The following RABEP1 variants were observed in gnomAD, a reference collection of about 807,000 sequenced individuals.
The protein encoded by RABEP1 is rabaptin, RAB GTPase binding effector protein 1.
In RABEP1, 51 loss-of-function variants were observed where a neutral mutation model predicts 123.4. The observed-to-expected ratio is 0.41, with a 90% CI of 0.33 to 0.52. The LOEUF (loss-of-function observed/expected upper bound fraction) is 0.52. RABEP1 is among the 20% of genes least tolerant of loss of function. The pLI, the probability that RABEP1 is intolerant of heterozygous loss-of-function variation, is 0.16. For synonymous variants in RABEP1, 347 were observed against 355.2 expected (o/e 0.98, Z 0.26); for missense variants, 888 against 996.3 (o/e 0.89, Z 1.46).
At chr17:5,301,499 C>G (rs75526592) in intron 1 of RABEP1, among the ~76,000 whole-genome samples, 3,462 of 152,216 alleles carry the variant, frequency 0.023, 132 homozygotes, top group African/African-American at 0.078. Context: ...AGTAACCTGT[C>G]CACAAACTGT....
intron 2 of RABEP1, among the ~76,000 whole-genome samples, chr17:5,312,349 C>T (rs950991781): frequency 5.3e-5 from 8 of 152,214 alleles, no homozygotes; most frequent in Admixed American, 2.6e-4. Context: ...CAGGGTTTCA[C>T]CCTGTTGGCC....
chr17:5,361,489 A>G lies in RABEP1; in HGVS notation c.1377A>G (p.Ser459=). Residue 459 remains serine (S), a synonymous_variant, in exon 9 of 18, where the codon TCA becomes TCG. Transcript: ENST00000537505. The stretch of plus-strand genomic sequence containing the variant: ...ACTTTGATACTGCATCCCTTGGGTC[A>G]CTCCAGATGCCAAGTGGGTTTATGT... ...SENFDTASLG[S]LQMPSGFMLT... 6.2e-7 allele frequency: 1 copy of G among 1,614,172 alleles called. No individual in the cohort carries two copies. The highest frequency in any genetic ancestry group is 8.5e-7 in the Non-Finnish European group (1 of 1,180,034).
At chr17:5,376,923 A>G (rs545358624) in intron 13 of RABEP1, among the ~76,000 whole-genome samples, 193 bp from the exon 14 acceptor site, 3 of 152,232 alleles carry the variant, frequency 2.0e-5, no homozygotes, top group African/African-American at 7.2e-5. Context: ...TTGGCCAGAA[A>G]TGTCTTTTCT....
At position 5,383,405 on chromosome 17, in the gene RABEP1, T is replaced by C; in HGVS notation, c.*182T>C. Reference sequence around the variant, plus strand: ...CAGGAAACAGCAAACAGTGGGGTGATCTGCAGCCCAGAGACCTTCAAATGC... The same window carrying C: ...CAGGAAACAGCAAACAGTGGGGTGACCTGCAGCCCAGAGACCTTCAAATGC... On this transcript the variant is annotated 3_prime_UTR_variant, in exon 18 of 18. Transcript: ENST00000537505. 1.7e-6 allele frequency: 1 copy of C among 581,986 alleles called. No individual in the cohort carries two copies. The highest frequency in any genetic ancestry group is 2.9e-5 in the East Asian group (1 of 34,808). The allele number at this position is 581,986 out of a possible 1,614,324, so 36.1% of individuals were successfully genotyped here.
rs1058398 is a variant in RABEP1, at chr17:5,385,440, A to G, written c.*2217A>G. 0.44 allele frequency: 101,916 copies of G among 229,844 alleles called. 23,392 individuals carry two copies. Among genetic ancestry groups the G allele is most frequent in the East Asian group, 0.67 (10,706 of 16,076 alleles). 14.2% of individuals were successfully genotyped at this position (229,844 alleles called of 1,614,324 possible). On this transcript the variant is annotated 3_prime_UTR_variant, in exon 18 of 18. Transcript: ENST00000537505. Reference sequence around the variant, plus strand: ...TACCTTATCATGTGGCTTTTAATTGACAGTCACTCAGCCATTTCTAAGCAG... The same window carrying G: ...TACCTTATCATGTGGCTTTTAATTGGCAGTCACTCAGCCATTTCTAAGCAG...
chr17:5,386,082 AGAT>A lies in RABEP1; in HGVS notation c.*2862_*2864del. ...TTATTATAAAACAACATATTTAAAA[AGAT>A]GAACCACACCAAAGGTCATCAAAAC... On this transcript the variant is annotated 3_prime_UTR_variant, in exon 18 of 18. Coordinates refer to ENST00000537505, the MANE Select transcript of RABEP1 (RefSeq NM_004703.6). 1.5e-6 allele frequency: 1 copy of A among 671,510 alleles called. No individual in the cohort carries two copies. The highest frequency in any genetic ancestry group is 2.5e-6 in the Non-Finnish European group (1 of 392,378). 41.6% of individuals were successfully genotyped at this position (671,510 alleles called of 1,614,324 possible).
At chr17:5,288,081 A>G (rs1489291514) in intron 1 of RABEP1, among the ~76,000 whole-genome samples, 1 of 152,112 alleles carries the variant, frequency 6.6e-6, no homozygotes, top group Non-Finnish European at 1.5e-5. Context: ...TGAGTAGTCA[A>G]GGATTACTCA....
chr17:5,342,226 A>AT (rs1491275846), intron 5 of RABEP1, among the ~76,000 whole-genome samples: 1 of 151,820 alleles, frequency 6.6e-6, no homozygotes, highest in Non-Finnish European at 1.5e-5. Context: ...GTAAAAAAAA[A>AT]GAAAAAAAAG....
chr17:5,340,449 C>A (rs1226095480), intron 5 of RABEP1, among the ~76,000 whole-genome samples: 1 of 151,822 alleles, frequency 6.6e-6, no homozygotes, highest in Non-Finnish European at 1.5e-5. Flanking sequence ...TAGGATAGTA[C>A]CTGGGACAAG....
At position 5,383,300 on chromosome 17, in the gene RABEP1, T is replaced by C; in HGVS notation, c.*77T>C. ...AGAGCAACAGTAATTATTATTTAAC[T>C]CTTAACTGAAGAAAGAGAAGTCACA... On this transcript the variant is annotated 3_prime_UTR_variant, in exon 18 of 18. Transcript: ENST00000537505. 1 of 1,141,212 alleles carries C rather than the reference T, an allele frequency of 8.8e-7. No individual in the cohort carries two copies. Among genetic ancestry groups the C allele is most frequent in the Non-Finnish European group, 1.3e-6 (1 of 765,006 alleles). 70.7% of individuals were successfully genotyped at this position (1,141,212 alleles called of 1,614,324 possible).
At chr17:5,353,635 C>T (rs1008265668) in intron 7 of RABEP1, among the ~76,000 whole-genome samples, 5 of 152,014 alleles carry the variant, frequency 3.3e-5, no homozygotes, top group Admixed American at 2.0e-4. Flanking sequence ...ATCGCTTGAG[C>T]CTGGGAGTTT....
chr17:5,373,466 T>G lies in RABEP1; in HGVS notation c.2025+12T>G, dbSNP rs569216850. 7 of 1,584,190 alleles carry G rather than the reference T, an allele frequency of 4.4e-6. No homozygotes were observed. The South Asian group carries it at 8.1e-5, about 18-fold the overall frequency. ...CAGACACTACAGAGGTAACTTACTT[T>G]CCACATGATCAAAAATGTCAACAAG... On this transcript the variant is annotated intron_variant, in intron 13 of 17. Coordinates refer to ENST00000537505, the MANE Select transcript of RABEP1 (RefSeq NM_004703.6).
intron 5 of RABEP1, among the ~76,000 whole-genome samples, chr17:5,344,427 G>A (rs1324147657): frequency 6.6e-6 from 1 of 152,054 alleles, no homozygotes; most frequent in African/African-American, 2.4e-5. Context: ...AACAGAGTGA[G>A]ACTCTCTCTC....
At chr17:5,354,236 G>C in intron 7 of RABEP1, 123 bp from the exon 8 acceptor site, 1 of 839,328 alleles carries the variant, frequency 1.2e-6, no homozygotes. Context: ...ACAAAGAAGC[G>C]TAAGTATCCA....
chr17:5,372,997 A>G (rs890830727), intron 12 of RABEP1, among the ~76,000 whole-genome samples: 32 of 152,154 alleles, frequency 2.1e-4, no homozygotes, highest in Admixed American at 8.5e-4. Context: ...AGCTCAGGCA[A>G]TCCACCCACC....
At chr17:5,305,175 C>T (rs530753409) in intron 1 of RABEP1, among the ~76,000 whole-genome samples, 1 of 151,906 alleles carries the variant, frequency 6.6e-6, no homozygotes, top group South Asian at 2.1e-4. Flanking sequence ...CGATTTGTCT[C>T]GATGTTGTAG....
chr17:5,314,771 G>C (rs2075280235), intron 2 of RABEP1, among the ~76,000 whole-genome samples: 5 of 152,190 alleles, frequency 3.3e-5, no homozygotes. Flanking sequence ...GCCCACTTCA[G>C]CTTCCCAAAG....
chr17:5,358,660 G>A (rs1179995560), intron 8 of RABEP1, among the ~76,000 whole-genome samples: 6 of 149,134 alleles, frequency 4.0e-5, no homozygotes, highest in Non-Finnish European at 7.4e-5. Context: ...GACAGAGCGA[G>A]ACTGTCTCCA....
chr17:5,360,085 T>A (rs1198114767), intron 8 of RABEP1, among the ~76,000 whole-genome samples: 1 of 152,226 alleles, frequency 6.6e-6, no homozygotes, highest in Non-Finnish European at 1.5e-5. Flanking sequence ...TCATAACCCA[T>A]TAGAGTCACT....
Sources: gnomAD v4.1 joint callset for allele counts (sites outside exome capture counted in the v4.1 genomes callset) on GRCh38, gnomAD v4.1.1 for gene constraint, MANE v1.5 for transcripts, NCBI Gene and HGNC (gene_info 2026-07-23, HGNC 2026-07-21) for gene names.